MEI4: variants seen among roughly 807,000 people sequenced by gnomAD.
MEI4 encodes meiosis-specific protein MEI4.
Under a neutral mutation model 31.4 loss-of-function variants are expected in MEI4, and 27 were observed. That is an observed-to-expected ratio of 0.86 (90% CI 0.63 to 1.19). MEI4 has a LOEUF of 1.19. Ranked by LOEUF, MEI4 falls within the 50% of genes most tolerant of loss-of-function variation. MEI4 has a pLI of 0.00. For synonymous variants in MEI4, 122 were observed against 145.4 expected (o/e 0.84, Z 1.16); for missense variants, 329 against 398.9 (o/e 0.82, Z 1.49).
At chr6:77,916,999 C>G (rs1448358360) in intron 4 of MEI4, among the ~76,000 whole-genome samples, 1 of 150,526 alleles carries the variant, frequency 6.6e-6, no homozygotes, top group African/African-American at 2.5e-5. Context: ...CAATTCCCAC[C>G]TATGAGTGAG....
intron 3 of MEI4, among the ~76,000 whole-genome samples, chr6:77,803,418 C>A (rs566394730): frequency 1.3e-5 from 2 of 152,192 alleles, no homozygotes; most frequent in East Asian, 3.9e-4. Context: ...TGGGTTTGAA[C>A]TTCCTCCTTT....
At chr6:77,692,604 A>G (rs976205311) in intron 2 of MEI4, among the ~76,000 whole-genome samples, 1 of 152,106 alleles carries the variant, frequency 6.6e-6, no homozygotes, top group Non-Finnish European at 1.5e-5. Flanking sequence ...ATGTAGGAAT[A>G]AATTCAGAGT....
intron 3 of MEI4, among the ~76,000 whole-genome samples, chr6:77,795,611 C>T (rs923639981): frequency 6.6e-6 from 1 of 151,690 alleles, no homozygotes; most frequent in African/African-American, 2.4e-5. Context: ...AATGACACCA[C>T]AAAAATGCAA....
At chr6:77,703,858 TTC>T (rs1766274437) in intron 2 of MEI4, among the ~76,000 whole-genome samples, 1 of 152,192 alleles carries the variant, frequency 6.6e-6, no homozygotes, top group African/African-American at 2.4e-5. Flanking sequence ...TCTGATACAC[TTC>T]CAGGTCATAT....
intron 2 of MEI4, among the ~76,000 whole-genome samples, chr6:77,700,570 C>T (rs556256202): frequency 8.5e-5 from 13 of 152,332 alleles, no homozygotes; most frequent in African/African-American, 1.7e-4. Flanking sequence ...TGCCCTGCTT[C>T]GGCTCACATA....
At chr6:77,805,119 A>G (rs1769394321) in intron 3 of MEI4, among the ~76,000 whole-genome samples, 1 of 152,168 alleles carries the variant, frequency 6.6e-6, no homozygotes, top group Non-Finnish European at 1.5e-5. Flanking sequence ...AGATTATTTT[A>G]TTGTAGAGAA....
chr6:77,735,151 T>C (rs1767148895), intron 2 of MEI4, among the ~76,000 whole-genome samples: 2 of 151,982 alleles, frequency 1.3e-5, no homozygotes, highest in Admixed American at 6.5e-5. Flanking sequence ...TGTGACATTC[T>C]CTGTATTTCC....
intron 3 of MEI4, among the ~76,000 whole-genome samples, chr6:77,779,246 A>G (rs1768532898): frequency 6.6e-6 from 1 of 152,190 alleles, no homozygotes; most frequent in Non-Finnish European, 1.5e-5. Flanking sequence ...CATGGAAACC[A>G]ATAGAAGAGA....
At chr6:77,808,091 T>C (rs546304988) in intron 3 of MEI4, among the ~76,000 whole-genome samples, 4 of 152,324 alleles carry the variant, frequency 2.6e-5, no homozygotes, top group African/African-American at 9.6e-5. Context: ...AGTTCTGTTA[T>C]TGCCTGTTGT....
At chr6:77,667,402 T>C (rs751741486) in intron 1 of MEI4, among the ~76,000 whole-genome samples, 67 of 152,170 alleles carry the variant, frequency 4.4e-4, no homozygotes, top group Non-Finnish European at 8.4e-4. Flanking sequence ...TAATTTATCC[T>C]GTCTTCCCCT....
At chr6:77,913,983 A>G (rs1160815457) in intron 4 of MEI4, among the ~76,000 whole-genome samples, 1 of 151,040 alleles carries the variant, frequency 6.6e-6, no homozygotes, top group African/African-American at 2.4e-5. Context: ...GCAGTGAGCC[A>G]AGATCATGCC....
intron 2 of MEI4, among the ~76,000 whole-genome samples, chr6:77,725,089 C>CT (rs1361869418): frequency 3.7e-5 from 4 of 106,778 alleles, no homozygotes; most frequent in African/African-American, 1.4e-4. Context: ...CTTTTCCAAT[C>CT]TTTTAGATCT....
chr6:77,685,507 A>G (rs1485146524), intron 1 of MEI4, among the ~76,000 whole-genome samples: 1 of 152,058 alleles, frequency 6.6e-6, no homozygotes, highest in African/African-American at 2.4e-5. Flanking sequence ...TTGTTCCTTC[A>G]GTCTGTTGAT....
intron 4 of MEI4, among the ~76,000 whole-genome samples, chr6:77,837,962 A>G (rs1452903065): frequency 6.6e-6 from 1 of 152,192 alleles, no homozygotes; most frequent in Admixed American, 6.5e-5. Context: ...AATATTGACA[A>G]CAGTGCCACC....
intron 2 of MEI4, among the ~76,000 whole-genome samples, chr6:77,709,005 C>T (rs966266376): frequency 1.3e-5 from 2 of 152,114 alleles, no homozygotes; most frequent in African/African-American, 4.8e-5. Context: ...GTAATATTGA[C>T]CGTGACCCTT....
intron 2 of MEI4, among the ~76,000 whole-genome samples, chr6:77,701,605 A>G (rs940827098): frequency 8.9e-6 from 1 of 112,952 alleles, no homozygotes; most frequent in Non-Finnish European, 2.1e-5. Context: ...TGTAATATAC[A>G]TAGATATATA....
chr6:77,876,017 A>C (rs1199754956), intron 4 of MEI4, among the ~76,000 whole-genome samples: 3 of 152,198 alleles, frequency 2.0e-5, no homozygotes, highest in Non-Finnish European at 2.9e-5. Flanking sequence ...ACACCAGCAG[A>C]TAGTGGAATT....
chr6:77,787,675 CA>C (rs1768780686), intron 3 of MEI4, among the ~76,000 whole-genome samples: 1 of 152,054 alleles, frequency 6.6e-6, no homozygotes, highest in Non-Finnish European at 1.5e-5. Context: ...ATGACACCAC[CA>C]AAAGAAACTA....
intron 3 of MEI4, among the ~76,000 whole-genome samples, chr6:77,819,295 CT>C (rs1391179577): frequency 6.6e-6 from 1 of 152,028 alleles, no homozygotes; most frequent in Admixed American, 6.6e-5. Context: ...GCACCATTAA[CT>C]CTTTTTTGTC....
Sources: gnomAD v4.1 joint callset for allele counts (sites outside exome capture counted in the v4.1 genomes callset) on GRCh38, gnomAD v4.1.1 for gene constraint, MANE v1.5 for transcripts, NCBI Gene and HGNC (gene_info 2026-07-23, HGNC 2026-07-21) for gene names.